Variants in H2BC18 observed in about 807,000 individuals in gnomAD.
H2BC18 encodes histone H2B type 2-F.
H2BC18 carries 8 observed loss-of-function variants against 6.3 expected under a neutral mutation model. The ratio of observed to expected loss-of-function variants is 1.28; its 90% CI spans 0.75 to 2.31. H2BC18 has a LOEUF of 2.31. H2BC18 is among the 30% of genes most tolerant of loss of function. H2BC18 has a pLI of 0.00. For missense variants in H2BC18, 106 were observed against 174.5 expected (o/e 0.61, Z 2.21); for synonymous variants, 104 against 78.1 (o/e 1.33, Z -1.75).
intron 1 of H2BC18, among the ~76,000 whole-genome samples, chr1:149,789,224 A>C (rs1405443901): frequency 6.6e-6 from 1 of 151,890 alleles, no homozygotes; most frequent in East Asian, 1.9e-4. Flanking sequence ...TTATCTTTTA[A>C]AGTCAGGAAC....
intron 1 of H2BC18, among the ~76,000 whole-genome samples, chr1:149,797,508 G>T (rs1342075979): frequency 1.3e-5 from 2 of 151,994 alleles, no homozygotes; most frequent in Non-Finnish European, 2.9e-5. Context: ...TTCCATTTTG[G>T]TGGAATAGGA....
intron 1 of H2BC18, among the ~76,000 whole-genome samples, chr1:149,797,113 A>C (rs1483986508): frequency 1.3e-5 from 2 of 152,202 alleles, no homozygotes; most frequent in African/African-American, 4.8e-5. Flanking sequence ...AGGTTTCACC[A>C]TCTTGGCTAG....
downstream of H2BC18, among the ~76,000 whole-genome samples, chr1:149,807,328 A>T: frequency 2.6e-5 from 4 of 151,678 alleles, no homozygotes; most frequent in East Asian, 7.7e-4. Flanking sequence ...CTCTACAAAA[A>T]CAAAAACTCT....
intron 1 of H2BC18, among the ~76,000 whole-genome samples, chr1:149,789,635 G>A (rs1346810810): frequency 2.6e-5 from 4 of 152,104 alleles, no homozygotes; most frequent in Non-Finnish European, 4.4e-5. Flanking sequence ...CCAGCATTAC[G>A]GCCTGAGCTC....
intron 1 of H2BC18, chr1:149,792,781 A>G: frequency 7.8e-7 from 1 of 1,278,432 alleles, no homozygotes; most frequent in Non-Finnish European, 1.0e-6. Flanking sequence ...TGGAGGCTGC[A>G]GGAGCGAGAA....
chr1:149,800,246 G>A (rs9325990), intron 1 of H2BC18, among the ~76,000 whole-genome samples: 12 of 152,186 alleles, frequency 7.9e-5, no homozygotes, highest in East Asian at 1.9e-4. Flanking sequence ...TGGGTGCGCC[G>A]CCCTTCAGGA....
intron 1 of H2BC18, chr1:149,786,707 T>C (rs587618152): frequency 6.6e-6 from 1 of 152,334 alleles, no homozygotes; most frequent in East Asian, 1.9e-4. Context: ...TCTCGTGAGT[T>C]TTGATATATA....
chr1:149,807,336 T>C (rs1459622220), downstream of H2BC18, among the ~76,000 whole-genome samples: 1 of 151,194 alleles, frequency 6.6e-6, no homozygotes, highest in African/African-American at 2.4e-5. Context: ...AAACAAAAAC[T>C]CTAAAAATTA....
rs1390795373 is a variant in H2BC18, at chr1:149,812,346, G to A, written c.-23C>T. The A allele has an allele frequency of 1.9e-6, 3 of 1,614,076 alleles. No individual in the cohort carries two copies. Among genetic ancestry groups the A allele is most frequent in the Non-Finnish European group, 2.5e-6 (3 of 1,179,994 alleles). ...CATTTTTGCGCGAAAAAAGAGAAAA[G>A]AGACTTAAAGAAGTAATCCGAACTA... On this transcript the variant is annotated 5_prime_UTR_variant, in exon 1 of 1. Transcript: ENST00000369167.
At chr1:149,800,071 TG>T (rs1244071652) in intron 1 of H2BC18, among the ~76,000 whole-genome samples, 3 of 152,016 alleles carry the variant, frequency 2.0e-5, no homozygotes, top group African/African-American at 4.8e-5. Context: ...ATTTCCAAGC[TG>T]GGGTTCCCAT....
At chr1:149,811,522 C>G (rs1418819622), downstream of H2BC18, 1 of 202,172 alleles carries the variant, frequency 4.9e-6, no homozygotes, top group Non-Finnish European at 1.0e-5. Flanking sequence ...GAGGTCGGAC[C>G]GAGGGTTTCT....
At chr1:149,811,767 G>T (rs1195306212), downstream of H2BC18, 6 of 679,638 alleles carry the variant, frequency 8.8e-6, no homozygotes, top group Non-Finnish European at 1.5e-5. Flanking sequence ...CAGGACTACA[G>T]GAAACTCCTT....
chr1:149,797,132 C>A (rs2091808829), intron 1 of H2BC18, among the ~76,000 whole-genome samples: 1 of 152,204 alleles, frequency 6.6e-6, no homozygotes, highest in African/African-American at 2.4e-5. Context: ...AGGCTGGTCT[C>A]AAACTCTTGA....
At chr1:149,811,696 T>C (rs782183282), downstream of H2BC18, 12 of 616,786 alleles carry the variant, frequency 1.9e-5, no homozygotes, top group South Asian at 8.1e-5. Flanking sequence ...TCGAATCTCG[T>C]AGCACAGATA....
chr1:149,796,502 C>T (rs1410266114), intron 1 of H2BC18, among the ~76,000 whole-genome samples: 2 of 152,092 alleles, frequency 1.3e-5, no homozygotes, highest in Admixed American at 6.6e-5. Flanking sequence ...AAAAATACTT[C>T]GAAGAGGAGA....
chr1:149,809,547 A>C (rs1256544127), downstream of H2BC18, among the ~76,000 whole-genome samples: 1 of 147,332 alleles, frequency 6.8e-6, no homozygotes, highest in Non-Finnish European at 1.5e-5. Flanking sequence ...ACTGGCAACC[A>C]GTCAACAAAC....
At chr1:149,790,402 T>C in intron 1 of H2BC18, 4 of 1,549,708 alleles carry the variant, frequency 2.6e-6, no homozygotes, top group Non-Finnish European at 3.5e-6. Context: ...CCCATGGGAC[T>C]GAGGTTTGTT....
chr1:149,787,946 TAG>T (rs1448396152), intron 1 of H2BC18: 1 of 269,646 alleles, frequency 3.7e-6, no homozygotes, highest in Non-Finnish European at 7.3e-6. Flanking sequence ...ACTGCTAAGA[TAG>T]AGTCTTACAT....
intron 1 of H2BC18, among the ~76,000 whole-genome samples, chr1:149,785,043 A>G (rs2091504831): frequency 6.6e-6 from 1 of 152,218 alleles, no homozygotes; most frequent in Non-Finnish European, 1.5e-5. Context: ...TAATAAATGG[A>G]AGCAGAAAAG....
Sources: gnomAD v4.1 joint callset for allele counts (sites outside exome capture counted in the v4.1 genomes callset) on GRCh38, gnomAD v4.1.1 for gene constraint, MANE v1.5 for transcripts, NCBI Gene and HGNC (gene_info 2026-07-23, HGNC 2026-07-21) for gene names.